Variants in VWA8 observed in about 807,000 individuals in gnomAD.
VWA8 encodes von Willebrand factor A domain containing 8, also known as von Willebrand factor A domain-containing protein 8.
VWA8 carries 221 observed loss-of-function variants against 241.5 expected under a neutral mutation model. The observed-to-expected ratio is 0.91, with a 90% CI of 0.82 to 1.02. The LOEUF (loss-of-function observed/expected upper bound fraction) is 1.02. VWA8 is among the 50% of genes least tolerant of loss of function. The pLI, the probability that VWA8 is intolerant of heterozygous loss-of-function variation, is 0.00. For synonymous variants in VWA8, 852 were observed against 827.1 expected, an observed-to-expected ratio of 1.03 and a Z score of -0.52; for missense variants, 2,322 against 2,328.7, an observed-to-expected ratio of 1.00 and a Z score of 0.06.
intron 2 of VWA8, among the ~76,000 whole-genome samples, chr13:41,919,488 G>A (rs1228569420): frequency 6.6e-6 from 1 of 152,128 alleles, no homozygotes; most frequent in Non-Finnish European, 1.5e-5. Context: ...CACTGCTCCA[G>A]TGCATCCTGT....
At chr13:41,580,116 A>C (rs1464644519) in intron 42 of VWA8, among the ~76,000 whole-genome samples, 1 of 152,030 alleles carries the variant, frequency 6.6e-6, no homozygotes, top group East Asian at 1.9e-4. Flanking sequence ...TGGCCTCCCA[A>C]AGTGCTGGAA....
rs181423789 is a variant in VWA8, at chr13:41,619,023, C to T, written c.4612-3939G>A. On this transcript the variant is annotated intron_variant, in intron 37 of 44. Transcript: ENST00000379310. ...CAATTCTGTGAAGAAAGTCATTGGT[C>T]GCTTGATGGGGATGGCATTGAATCT... Among the ~76,000 whole-genome samples the T allele has an allele frequency of 3.6e-4, 55 of 152,170 alleles. 2 individuals carry two copies. In the South Asian group the frequency reaches 8.9e-3, roughly 25 times the overall value.
chr13:41,802,526 C>G (rs9532925), intron 17 of VWA8, among the ~76,000 whole-genome samples: 12,784 of 152,282 alleles, frequency 0.084, 552 homozygotes, highest in East Asian at 0.11. Flanking sequence ...CAAGGCAGTG[C>G]TTGCACTGTC....
chr13:41,689,261 T>TA (rs2045158750), intron 34 of VWA8, 93 bp downstream of exon 34: 2 of 1,317,986 alleles, frequency 1.5e-6, no homozygotes, highest in African/African-American at 3.0e-5. Flanking sequence ...CAGGAAATTA[T>TA]GTTTTTAATT....
intron 37 of VWA8, among the ~76,000 whole-genome samples, chr13:41,626,035 G>C (rs1248578402): frequency 6.5e-5 from 9 of 137,796 alleles, no homozygotes; most frequent in African/African-American, 2.5e-4. Flanking sequence ...TGAACAATGA[G>C]AACACATGGA....
rs1268995149 is a variant in VWA8 at position 41,866,373 on chromosome 13, A to ATGTG, written c.1213-338_1213-337insCACA. Among the ~76,000 whole-genome samples the ATGTG allele has an allele frequency of 4.4e-4, 66 of 149,846 alleles. 1 individual carries two copies. The East Asian group carries it at 0.013, about 29-fold the overall frequency. On this transcript the variant is annotated intron_variant, in intron 10 of 44. Coordinates refer to ENST00000379310, the MANE Select transcript of VWA8 (RefSeq NM_015058.2). ...CAAAAAAAAAAATATATATATATAT[A>ATGTG]TATGTGTGTGTGTGTGCGCGTGTGT...
intron 40 of VWA8, among the ~76,000 whole-genome samples, chr13:41,599,570 A>G (rs954828081): frequency 6.6e-6 from 1 of 152,092 alleles, no homozygotes; most frequent in Non-Finnish European, 1.5e-5. Flanking sequence ...GAGATACAAA[A>G]CTGTTGAGGA....
intron 35 of VWA8, among the ~76,000 whole-genome samples, chr13:41,676,626 T>TTTTG (rs149744875): frequency 2.6e-5 from 4 of 152,240 alleles, no homozygotes; most frequent in African/African-American, 9.6e-5. Context: ...GTTCTGCTGT[T>TTTTG]TTTGTTTGTT....
At chr13:41,619,973 T>C (rs1260952661) in intron 37 of VWA8, among the ~76,000 whole-genome samples, 2 of 152,324 alleles carry the variant, frequency 1.3e-5, no homozygotes, top group South Asian at 2.1e-4. Flanking sequence ...ATCAGGATGA[T>C]GCTGGCCTCA....
At chr13:41,586,457 G>T (rs561001058) in intron 42 of VWA8, among the ~76,000 whole-genome samples, 2 of 152,296 alleles carry the variant, frequency 1.3e-5, no homozygotes, top group African/African-American at 4.8e-5. Context: ...GACAGAGCCC[G>T]GCAACCCATA....
chr13:41,713,245 A>G (rs571248578), intron 26 of VWA8, among the ~76,000 whole-genome samples: 1 of 152,336 alleles, frequency 6.6e-6, no homozygotes, highest in African/African-American at 2.4e-5. Context: ...CGGAGAGTCA[A>G]TAGACATTTT....
chr13:41,714,434 G>C (rs1260044923), intron 26 of VWA8, among the ~76,000 whole-genome samples: 2 of 151,980 alleles, frequency 1.3e-5, no homozygotes, highest in Non-Finnish European at 2.9e-5. Context: ...GTGTCTCCTA[G>C]AGAAGGCAGG....
intron 39 of VWA8, among the ~76,000 whole-genome samples, chr13:41,610,064 C>A (rs2044577658): frequency 6.6e-6 from 1 of 152,124 alleles, no homozygotes; most frequent in Non-Finnish European, 1.5e-5. Flanking sequence ...TATGTGTGTG[C>A]CAGAACACTC....
chr13:41,791,749 T>C (rs1869472605), intron 17 of VWA8, among the ~76,000 whole-genome samples: 1 of 151,930 alleles, frequency 6.6e-6, no homozygotes, highest in Non-Finnish European at 1.5e-5. Flanking sequence ...TTGTAAATTA[T>C]TTTATCATAC....
chr13:41,863,395 TTGTGTG>T lies in VWA8; in HGVS notation c.1425+2335_1425+2340del, dbSNP rs140177608. Among the ~76,000 whole-genome samples, 843 of 89,832 alleles carry T rather than the reference TTGTGTG, an allele frequency of 9.4e-3. 8 individuals are homozygous for T. Among genetic ancestry groups the T allele is most frequent in the South Asian group, 0.017 (38 of 2,250 alleles). 58.9% of individuals were successfully genotyped at this position (89,832 alleles called of 152,430 possible). Reference sequence around the variant, plus strand: ...ATATGTGTGTGTGTGTATCTCCTATTTGTGTGTGTGTGTGTGTGTGTGTGTGTGTGT... The same window carrying T: ...ATATGTGTGTGTGTGTATCTCCTATTTGTGTGTGTGTGTGTGTGTGTGTGT... On this transcript the variant is annotated intron_variant, in intron 12 of 44. Coordinates refer to ENST00000379310, the MANE Select transcript of VWA8 (RefSeq NM_015058.2).
Position 41,639,808 on chromosome 13 carries a change from T to C in VWA8, c.4612-24724A>G, listed in dbSNP as rs557089585. Among the ~76,000 whole-genome samples, 4 of 152,184 alleles carry C rather than the reference T, an allele frequency of 2.6e-5. No homozygotes were observed. The South Asian group carries it at 8.3e-4, about 32-fold the overall frequency. ...GGAGGGTGAGGATCAAAAAACTACC[T>C]ATTGGGTACTATGCTCACTGCCTGG... On this transcript the variant is annotated intron_variant, in intron 37 of 44. Coordinates refer to ENST00000379310, the MANE Select transcript of VWA8 (RefSeq NM_015058.2).
intron 26 of VWA8, among the ~76,000 whole-genome samples, chr13:41,709,496 C>G (rs975135091): frequency 1.3e-5 from 2 of 152,194 alleles, no homozygotes; most frequent in Non-Finnish European, 2.9e-5. Flanking sequence ...CTGATTGAAA[C>G]TCTGATCTCT....
intron 1 of VWA8, among the ~76,000 whole-genome samples, chr13:41,958,871 G>A (rs1418709187): frequency 6.6e-6 from 1 of 152,128 alleles, no homozygotes; most frequent in Non-Finnish European, 1.5e-5. Context: ...TGATTTACTG[G>A]CTATAACAAA....
At chr13:41,589,400 G>T (rs2044440094) in intron 41 of VWA8, among the ~76,000 whole-genome samples, 1 of 151,908 alleles carries the variant, frequency 6.6e-6, no homozygotes, top group South Asian at 2.1e-4. Context: ...TCACTTGAAG[G>T]TTTCTCTAGG....
Sources: gnomAD v4.1 joint callset for allele counts (sites outside exome capture counted in the v4.1 genomes callset) on GRCh38, gnomAD v4.1.1 for gene constraint, MANE v1.5 for transcripts, NCBI Gene and HGNC (gene_info 2026-07-23, HGNC 2026-07-21) for gene names.